HPCAL1: variants seen among roughly 807,000 people sequenced by gnomAD.
HPCAL1 encodes the protein hippocalcin-like protein 1.
A neutral mutation model predicts 17.1 loss-of-function variants in HPCAL1; 8 were observed. The ratio of observed to expected loss-of-function variants is 0.47; its 90% CI spans 0.27 to 0.84. HPCAL1 has a LOEUF of 0.84. HPCAL1 is among the 40% of genes least tolerant of loss of function. The probability of loss-of-function intolerance (pLI) is 0.13; values close to 1 mark genes in which losing one functional copy is unlikely to be tolerated. For missense variants in HPCAL1, 165 were observed against 271.1 expected (o/e 0.61, Z 2.75); for synonymous variants, 112 against 111.4 (o/e 1.01, Z -0.03).
chr2:10,422,415 T>C (rs1336591992), intron 3 of HPCAL1, among the ~76,000 whole-genome samples: 1 of 152,142 alleles, frequency 6.6e-6, no homozygotes, highest in Non-Finnish European at 1.5e-5. Context: ...CAGAGTCACA[T>C]GCCCCAGGCT....
At chr2:10,420,220 T>TG in intron 3 of HPCAL1, 85 bp downstream of exon 3, 1 of 1,241,456 alleles carries the variant, frequency 8.1e-7, no homozygotes, top group Non-Finnish European at 1.1e-6. Flanking sequence ...TTTTTTTTTT[T>TG]TTTTTTTTTT....
intron 1 of HPCAL1, among the ~76,000 whole-genome samples, chr2:10,364,836 C>T (rs1215137514): frequency 1.3e-5 from 2 of 152,128 alleles, no homozygotes; most frequent in African/African-American, 4.8e-5. Flanking sequence ...CCTCCTGCCT[C>T]GGCCTCCCAG....
rs1664357547 is a variant in HPCAL1, at chr2:10,331,273, C to T, written c.-111+28096C>T. 6.6e-6 allele frequency among the ~76,000 whole-genome samples: 1 copy of T among 152,150 alleles called. No homozygotes were observed. Among genetic ancestry groups the T allele is most frequent in the Non-Finnish European group, 1.5e-5 (1 of 68,014 alleles). On this transcript the variant is annotated intron_variant, in intron 1 of 4. Transcript: ENST00000307845. This position sits in a 1 kb window ranked among gnomAD's most constrained non-coding sequence, Gnocchi z 5.0. ...CCTGTTACTCAGCACGTCCGCCTCTCCTGCCTCCTGAGCCCACAGGCGCCC... is the reference window on the plus strand; with the variant it reads ...CCTGTTACTCAGCACGTCCGCCTCTTCTGCCTCCTGAGCCCACAGGCGCCC...
intron 2 of HPCAL1, among the ~76,000 whole-genome samples, chr2:10,397,914 C>T (rs1454001750): frequency 3.3e-5 from 5 of 152,300 alleles, no homozygotes; most frequent in East Asian, 1.9e-4. Context: ...CTTCCAATCT[C>T]GTGCATATTA....
chr2:10,318,017 G>A (rs1250029664), intron 1 of HPCAL1, among the ~76,000 whole-genome samples: 1 of 152,134 alleles, frequency 6.6e-6, no homozygotes, highest in Non-Finnish European at 1.5e-5. Flanking sequence ...TTATTCAGAG[G>A]CATTTTTCAG....
rs1662856218 is a variant in HPCAL1, at chr2:10,310,067, T to G, written c.-111+6890T>G. Among the ~76,000 whole-genome samples the G allele has an allele frequency of 6.6e-6, 1 of 152,210 alleles. No homozygotes were observed. Among genetic ancestry groups the G allele is most frequent in the South Asian group, 2.1e-4 (1 of 4,830 alleles). On this transcript the variant is annotated intron_variant, in intron 1 of 4. Transcript: ENST00000307845. The surrounding 1 kb of genome is among the most constrained non-coding windows in gnomAD (Gnocchi z 4.5). ...TGTTGTTTATTGGCTGGTGATGGTC[T>G]CTGAATCTGTTTGCTCAGGTGCAGA...
chr2:10,316,429 T>C (rs1663317812), intron 1 of HPCAL1, among the ~76,000 whole-genome samples: 1 of 152,234 alleles, frequency 6.6e-6, no homozygotes, highest in Non-Finnish European at 1.5e-5. Flanking sequence ...TTTTTCTCTC[T>C]GTGACTCAGG....
intron 2 of HPCAL1, among the ~76,000 whole-genome samples, chr2:10,416,129 G>C (rs889241306): frequency 8.5e-5 from 13 of 152,214 alleles, no homozygotes; most frequent in African/African-American, 3.1e-4. Flanking sequence ...CACCACCTCA[G>C]GGCTTAGCGG....
intron 2 of HPCAL1, among the ~76,000 whole-genome samples, chr2:10,399,499 CCAT>C (rs1572818960): frequency 1.9e-5 from 2 of 103,924 alleles, no homozygotes; most frequent in East Asian, 5.7e-4. Context: ...GCCACCATCA[CCAT>C]CACCACCACC....
At chr2:10,332,502 TG>T (rs1431869529) in intron 1 of HPCAL1, among the ~76,000 whole-genome samples, 1 of 150,430 alleles carries the variant, frequency 6.6e-6, no homozygotes, top group African/African-American at 2.5e-5. Flanking sequence ...GGGTGGGAGG[TG>T]GGGGGTAGCC....
At chr2:10,405,357 C>T (rs939426036) in intron 2 of HPCAL1, among the ~76,000 whole-genome samples, 1 of 152,246 alleles carries the variant, frequency 6.6e-6, no homozygotes, top group African/African-American at 2.4e-5. Context: ...AACTCTAGCC[C>T]AGCCTTGCCT....
chr2:10,367,725 G>C lies in HPCAL1; in HGVS notation c.-110-29110G>C, dbSNP rs1666933797. On this transcript the variant is annotated intron_variant, in intron 1 of 4. Transcript: ENST00000307845. The surrounding 1 kb of genome is among the most constrained non-coding windows in gnomAD (Gnocchi z 4.4). Reference sequence around the variant, plus strand: ...CACTCCCATGGAAAGCCTTAGAACTGATGTCAGTGTGAGCCCTGTGCTGGA... The same window carrying C: ...CACTCCCATGGAAAGCCTTAGAACTCATGTCAGTGTGAGCCCTGTGCTGGA... 6.6e-6 allele frequency among the ~76,000 whole-genome samples: 1 copy of C among 152,176 alleles called. No individual in the cohort carries two copies. Among genetic ancestry groups the C allele is most frequent in the Non-Finnish European group, 1.5e-5 (1 of 68,040 alleles).
In HPCAL1 at chr2:10,384,836, G is replaced by A. The variant is rs1319195549; in HGVS notation, c.-110-11999G>A. Among the ~76,000 whole-genome samples, 2 of 152,110 alleles carry A rather than the reference G, an allele frequency of 1.3e-5. No homozygotes were observed. Among genetic ancestry groups the A allele is most frequent in the African/African-American group, 4.8e-5 (2 of 41,422 alleles). On this transcript the variant is annotated intron_variant, in intron 1 of 4. Transcript: ENST00000307845. This position sits in a 1 kb window ranked among gnomAD's most constrained non-coding sequence, Gnocchi z 4.4. ...AAGATGTGAAAATAAAGATAGAGGC[G>A]ACAGGCTGGGTGCGGTGGCTCATGC...
intron 2 of HPCAL1, among the ~76,000 whole-genome samples, chr2:10,400,896 C>T (rs896357368): frequency 1.3e-5 from 2 of 152,186 alleles, no homozygotes; most frequent in African/African-American, 2.4e-5. Context: ...AGGTGCCTGG[C>T]GGGGGAATCC....
At chr2:10,317,912 G>A (rs77384443) in intron 1 of HPCAL1, among the ~76,000 whole-genome samples, 1,721 of 152,300 alleles carry the variant, frequency 0.011, 34 homozygotes, top group African/African-American at 0.039. Flanking sequence ...GCTAAACCTC[G>A]GGGCCTGGAA....
rs1459024825 is a variant in HPCAL1, at chr2:10,330,574, T to C, written c.-111+27397T>C. Reference sequence around the variant, plus strand: ...TCTCTCCTCGGCTCCGTGTAGCCCTTTCTCCCTCTGTTCTCACACGGCCAT... The same window carrying C: ...TCTCTCCTCGGCTCCGTGTAGCCCTCTCTCCCTCTGTTCTCACACGGCCAT... On this transcript the variant is annotated intron_variant, in intron 1 of 4. Transcript: ENST00000307845. This position sits in a 1 kb window ranked among gnomAD's most constrained non-coding sequence, Gnocchi z 4.2. Among the ~76,000 whole-genome samples, 1 of 152,114 alleles carries C rather than the reference T, an allele frequency of 6.6e-6. No homozygotes were observed. Among genetic ancestry groups the C allele is most frequent in the Non-Finnish European group, 1.5e-5 (1 of 68,004 alleles).
intron 1 of HPCAL1, among the ~76,000 whole-genome samples, chr2:10,339,246 G>A (rs541110488): frequency 7.9e-5 from 12 of 152,236 alleles, no homozygotes; most frequent in African/African-American, 2.4e-4. Flanking sequence ...TCCACCTCCC[G>A]GGTTCAAGTG....
chr2:10,366,669 G>A (rs1331005280), intron 1 of HPCAL1, among the ~76,000 whole-genome samples: 4 of 152,136 alleles, frequency 2.6e-5, no homozygotes, highest in East Asian at 1.9e-4. Flanking sequence ...TCCGACTCCC[G>A]CCCTGCAGCT....
rs2125380852 is a variant in HPCAL1 at position 10,310,163 on chromosome 2, A to G, written c.-111+6986A>G. 6.6e-6 allele frequency among the ~76,000 whole-genome samples: 1 copy of G among 152,126 alleles called. No homozygotes were observed. Among genetic ancestry groups the G allele is most frequent in the Admixed American group, 6.5e-5 (1 of 15,284 alleles). On this transcript the variant is annotated intron_variant, in intron 1 of 4. Transcript: ENST00000307845. This position sits in a 1 kb window ranked among gnomAD's most constrained non-coding sequence, Gnocchi z 4.5. ...AAACCCAGGTCTGCAGATGTGGCAG[A>G]CTGGGTTTGAACTGTAGTCTTTGCT...
Sources: allele counts gnomAD v4.1 joint callset (sites outside exome capture counted in the v4.1 genomes callset), GRCh38; gene constraint gnomAD v4.1.1; non-coding constraint Gnocchi (gnomAD v3.1); transcripts MANE v1.5; gene names NCBI Gene and HGNC (gene_info 2026-07-23, HGNC 2026-07-21).